The following AATF variants were observed in gnomAD, a reference collection of about 807,000 sequenced individuals.
AATF encodes apoptosis antagonizing transcription factor.
Under a neutral mutation model 63.7 loss-of-function variants are expected in AATF, and 48 were observed. That is an observed-to-expected ratio of 0.75 (90% CI 0.60 to 0.96). AATF has a LOEUF of 0.96. Ranked by LOEUF, AATF falls within the 40% of genes least tolerant of loss-of-function variation. AATF has a pLI of 0.00. For synonymous variants in AATF, 258 were observed against 247.7 expected (o/e 1.04, Z -0.39); for missense variants, 639 against 685.7 (o/e 0.93, Z 0.76).
chr17:36,975,703 A>G (rs1425373469), intron 4 of AATF, among the ~76,000 whole-genome samples: 2 of 152,338 alleles, frequency 1.3e-5, no homozygotes, highest in South Asian at 2.1e-4. Context: ...GTCAGGAGCT[A>G]GGCATATATA....
At chr17:36,960,290 G>A (rs1428234290) in intron 4 of AATF, among the ~76,000 whole-genome samples, 5 of 152,168 alleles carry the variant, frequency 3.3e-5, no homozygotes, top group African/African-American at 1.2e-4. Context: ...GGGATTACAG[G>A]CATGAGCCAC....
At chr17:36,982,826 C>T (rs1349797469) in intron 4 of AATF, among the ~76,000 whole-genome samples, 1 of 152,170 alleles carries the variant, frequency 6.6e-6, no homozygotes, top group Non-Finnish European at 1.5e-5. Context: ...AACTGAAACT[C>T]TGTATCATTA....
At chr17:36,986,823 A>G in intron 5 of AATF, 92 bp downstream of exon 5, 2 of 1,057,394 alleles carry the variant, frequency 1.9e-6, no homozygotes, top group South Asian at 2.8e-5. Context: ...CTCTTCAGGC[A>G]GATATTAATG....
chr17:37,031,354 A>G, intron 10 of AATF: 1 of 506,880 alleles, frequency 2.0e-6, no homozygotes, highest in East Asian at 3.2e-5. Flanking sequence ...ATACTATGCC[A>G]TTTTATATAA....
chr17:36,979,572 A>G (rs2071105110), intron 4 of AATF, among the ~76,000 whole-genome samples: 3 of 152,150 alleles, frequency 2.0e-5, no homozygotes, highest in Non-Finnish European at 2.9e-5. Context: ...TTCCAATTCA[A>G]TGTATTTATC....
chr17:37,005,725 T>A (rs2142269320), intron 8 of AATF, among the ~76,000 whole-genome samples: 1 of 152,038 alleles, frequency 6.6e-6, no homozygotes, highest in African/African-American at 2.4e-5. Context: ...GAGGGGGAGG[T>A]ACACACCAAG....
At chr17:36,960,572 C>T (rs1167673425) in intron 4 of AATF, among the ~76,000 whole-genome samples, 1 of 152,104 alleles carries the variant, frequency 6.6e-6, no homozygotes, top group East Asian at 1.9e-4. Flanking sequence ...CACTGAAATC[C>T]CCCCCTTTTA....
chr17:37,046,773 A>G (rs1025377445), intron 11 of AATF, among the ~76,000 whole-genome samples: 2 of 150,084 alleles, frequency 1.3e-5, no homozygotes, highest in East Asian at 1.9e-4. Flanking sequence ...ACACACACGC[A>G]TGCACACACG....
rs538922728 is a variant in AATF, at chr17:36,974,491, A to G, written c.833-12126A>G. ...TATGCATACTTACTTTGTTGCATAAATCTCTAAATGTGGAATTAGTATATT... is the reference window on the plus strand; with the variant it reads ...TATGCATACTTACTTTGTTGCATAAGTCTCTAAATGTGGAATTAGTATATT... On this transcript the variant is annotated intron_variant, in intron 4 of 11. Coordinates refer to ENST00000619387, the MANE Select transcript of AATF (RefSeq NM_012138.4). Among the ~76,000 whole-genome samples, 12 of 152,324 alleles carry G rather than the reference A, an allele frequency of 7.9e-5. No individual in the cohort carries two copies. In the South Asian group the frequency reaches 1.7e-3, roughly 21 times the overall value.
At chr17:36,959,366 C>G (rs996483830) in intron 4 of AATF, among the ~76,000 whole-genome samples, 1 of 151,864 alleles carries the variant, frequency 6.6e-6, no homozygotes, top group Non-Finnish European at 1.5e-5. Context: ...TTGCTTGAAC[C>G]CAGGAGGCAG....
At chr17:37,035,859 T>G (rs1453134208) in intron 11 of AATF, among the ~76,000 whole-genome samples, 1 of 152,208 alleles carries the variant, frequency 6.6e-6, no homozygotes, top group African/African-American at 2.4e-5. Flanking sequence ...CAGTATTGTT[T>G]GTAGAAAAAT....
At chr17:36,991,002 A>G (rs771756170) in intron 8 of AATF, 145 bp downstream of exon 8, 1 of 519,880 alleles carries the variant, frequency 1.9e-6, no homozygotes, top group Non-Finnish European at 3.3e-6. Flanking sequence ...ATTGACTTAC[A>G]GTGTCATTGT....
intron 4 of AATF, among the ~76,000 whole-genome samples, chr17:36,960,654 G>T (rs2142211692): frequency 6.6e-6 from 1 of 152,186 alleles, no homozygotes; most frequent in South Asian, 2.1e-4. Flanking sequence ...ACACTTTATG[G>T]GTTCTTGGCA....
chr17:37,014,919 T>G (rs2071418029), intron 8 of AATF, among the ~76,000 whole-genome samples: 1 of 152,218 alleles, frequency 6.6e-6, no homozygotes, highest in African/African-American at 2.4e-5. Context: ...TAGTGTTTAA[T>G]TTCTCATTTT....
At chr17:36,978,156 T>C (rs2071092861) in intron 4 of AATF, among the ~76,000 whole-genome samples, 1 of 152,152 alleles carries the variant, frequency 6.6e-6, no homozygotes, top group African/African-American at 2.4e-5. Flanking sequence ...TTCTTTTTGT[T>C]TCTTTCTATG....
rs547076845 is a variant in AATF at position 36,954,215 on chromosome 17, G to A, written c.832+308G>A. On this transcript the variant is annotated intron_variant, in intron 4 of 11. Transcript: ENST00000619387. ...TCCTCCCACCTTAGCCTTCCGAGTA[G>A]CAGGGACCACAAGCGTGCACCACCC... Among the ~76,000 whole-genome samples, 22 of 152,060 alleles carry A rather than the reference G, an allele frequency of 1.4e-4. No homozygotes were observed. In the South Asian group the frequency reaches 3.1e-3, roughly 22 times the overall value.
intron 11 of AATF, among the ~76,000 whole-genome samples, chr17:37,037,223 G>A (rs1024385644): frequency 4.6e-5 from 7 of 151,948 alleles, no homozygotes; most frequent in Non-Finnish European, 8.8e-5. Context: ...CACCATGTTG[G>A]CCAGGATGGT....
chr17:37,031,803 C>T (rs1328462515), intron 11 of AATF, 118 bp downstream of exon 11: 6 of 845,322 alleles, frequency 7.1e-6, no homozygotes, highest in South Asian at 1.4e-5. Flanking sequence ...TCATTGGCAT[C>T]GCAGTAAGGG....
At chr17:37,017,290 T>C (rs1459829927) in intron 8 of AATF, among the ~76,000 whole-genome samples, 2 of 152,210 alleles carry the variant, frequency 1.3e-5, no homozygotes, top group African/African-American at 4.8e-5. Flanking sequence ...TCCATTATTT[T>C]CCTTCCTTTT....
Sources: gnomAD v4.1 joint callset for allele counts (sites outside exome capture counted in the v4.1 genomes callset) on GRCh38, gnomAD v4.1.1 for gene constraint, MANE v1.5 for transcripts, NCBI Gene and HGNC (gene_info 2026-07-23, HGNC 2026-07-21) for gene names.